ROS1: variants seen among roughly 807,000 people sequenced by gnomAD.
ROS1 encodes ROS proto-oncogene 1, receptor tyrosine kinase.
Under a neutral mutation model 273.5 loss-of-function variants are expected in ROS1, and 263 were observed. That is an observed-to-expected ratio of 0.96 (90% confidence interval 0.87 to 1.06). The LOEUF (loss-of-function observed/expected upper bound fraction) is 1.06, where lower values mean the gene tolerates loss of function less well. Ranked by LOEUF, ROS1 falls within the 50% of genes least tolerant of loss-of-function variation. The probability of loss-of-function intolerance (pLI) is 0.00; values close to 1 mark genes in which losing one functional copy is unlikely to be tolerated. For synonymous variants in ROS1, 1,008 were observed against 954.1 expected, an observed-to-expected ratio of 1.06 and a Z score of -1.04; for missense variants, 2,833 against 2,751.1, an observed-to-expected ratio of 1.03 and a Z score of -0.67.
intron 2 of ROS1, among the ~76,000 whole-genome samples, chr6:117,417,537 T>G (rs1562390383): frequency 6.6e-6 from 1 of 152,164 alleles, no homozygotes; most frequent in Non-Finnish European, 1.5e-5. Flanking sequence ...TATCTAAAAC[T>G]CTGTATGTCT....
chr6:117,292,377 G>A (rs1773902144), intron 43 of ROS1, among the ~76,000 whole-genome samples: 1 of 152,124 alleles, frequency 6.6e-6, no homozygotes, highest in Admixed American at 6.5e-5. Context: ...GCAACCCTCT[G>A]GATTGCTTTA....
chr6:117,416,987 C>T (rs912417182), intron 2 of ROS1, among the ~76,000 whole-genome samples: 4 of 152,112 alleles, frequency 2.6e-5, no homozygotes, highest in African/African-American at 9.7e-5. Flanking sequence ...CCTCTCTCCA[C>T]CCCTTTGGTG....
chr6:117,298,067 C>T (rs1774392552), intron 43 of ROS1, among the ~76,000 whole-genome samples: 1 of 152,050 alleles, frequency 6.6e-6, no homozygotes, highest in Admixed American at 6.5e-5. Flanking sequence ...TATTTTGTAG[C>T]AACATGGATG....
chr6:117,311,268 C>A, intron 39 of ROS1, 151 bp from the exon 40 acceptor site: 6 of 459,074 alleles, frequency 1.3e-5, no homozygotes, highest in South Asian at 8.9e-5. Context: ...TATAAGAATT[C>A]AAACAAAGAG....
rs1554252569 is a variant in ROS1, at chr6:117,398,693, A to AAAAAAAAAAAAAAAAAAAAAAAAC, written c.605-1578_605-1577insGTTTTTTTTTTTTTTTTTTTTTTT. Among the ~76,000 whole-genome samples the AAAAAAAAAAAAAAAAAAAAAAAAC allele has an allele frequency of 3.0e-4, 43 of 141,080 alleles. 1 individual carries two copies. The highest frequency in any genetic ancestry group is 6.1e-4 in the Non-Finnish European group (38 of 62,158). 92.6% of individuals were successfully genotyped at this position (141,080 alleles called of 152,430 possible). On this transcript the variant is annotated intron_variant, in intron 7 of 43. Coordinates refer to ENST00000368507, the MANE Select transcript of ROS1 (RefSeq NM_001378902.1). Reference sequence around the variant, plus strand: ...GACCTTGTCTCAAAAAAAAAAAAAAAAAAACTCGCGGTGACTCATGCTTGT... The same window carrying AAAAAAAAAAAAAAAAAAAAAAAAC: ...GACCTTGTCTCAAAAAAAAAAAAAAAAAAAAAAAAAAAAAAAAAAAAAACAAAACTCGCGGTGACTCATGCTTGT...
chr6:117,396,220 G>A lies in ROS1; in HGVS notation c.851C>T (p.Ala284Val). ...AVNEVGEGPE[A>V]ESSITTSSSA... ...AGATGAAGTGGTAATACTAGATTCT[G>A]CTTCTGGACCCTCACCAACTTCATT... Residue 284 changes from alanine (A) to valine (V), a missense_variant, in exon 9 of 44, where the codon GCA (alanine) becomes GTA (valine). By Grantham distance (64) the Ala-to-Val change is moderately conservative. Coordinates refer to ENST00000368507, the MANE Select transcript of ROS1 (RefSeq NM_001378902.1). The A allele has an allele frequency of 1.2e-6, 2 of 1,613,740 alleles. No homozygotes were observed. The highest frequency in any genetic ancestry group is 1.7e-6 in the Non-Finnish European group (2 of 1,179,734).
intron 43 of ROS1, among the ~76,000 whole-genome samples, chr6:117,292,179 C>T (rs1773887829): frequency 6.6e-6 from 1 of 152,090 alleles, no homozygotes; most frequent in South Asian, 2.1e-4. Context: ...ACCATGTTAG[C>T]CAGGATGGTC....
chr6:117,417,030 A>C, intron 2 of ROS1, among the ~76,000 whole-genome samples: 1 of 149,618 alleles, frequency 6.7e-6, no homozygotes, highest in African/African-American at 2.5e-5. Flanking sequence ...TTCTCCTCTC[A>C]CTCTTCTAGT....
rs887300130 is a variant in ROS1 at position 117,425,911 on chromosome 6, C to T, written c.-255G>A. ...GCTTCCTTTTACTCCCATAAAGTCA[C>T]CCAGTGACTAAAGGTTAGTTCTTAG... On this transcript the variant is annotated 5_prime_UTR_variant, in exon 1 of 44. The change creates a new upstream start codon in the 5' untranslated region. Coordinates refer to ENST00000368507, the MANE Select transcript of ROS1 (RefSeq NM_001378902.1). 10 of 405,828 alleles carry T rather than the reference C, an allele frequency of 2.5e-5. No homozygotes were observed. The highest frequency in any genetic ancestry group is 2.1e-4 in the African/African-American group (10 of 47,768). The allele number at this position is 405,828 out of a possible 1,614,324, so 25.1% of individuals were successfully genotyped here. A position where few individuals can be genotyped will look rare whatever the true frequency, so the allele number is the denominator to read the frequency against.
chr6:117,395,137 T>C (rs771590893), intron 9 of ROS1, among the ~76,000 whole-genome samples: 1 of 152,192 alleles, frequency 6.6e-6, no homozygotes, highest in Non-Finnish European at 1.5e-5. Context: ...TGGTTGTCTC[T>C]GTGTTGTCTT....
At chr6:117,319,588 C>G (rs533346844) in intron 37 of ROS1, among the ~76,000 whole-genome samples, 2 of 152,194 alleles carry the variant, frequency 1.3e-5, no homozygotes, top group East Asian at 3.9e-4. Context: ...AACTCCAGTT[C>G]TCTTATGGCA....
rs1332832623 is a variant in ROS1 at position 117,314,727 on chromosome 6, A to G, written c.6117+2416T>C. Among the ~76,000 whole-genome samples the G allele has an allele frequency of 3.9e-5, 6 of 152,240 alleles. No individual in the cohort carries two copies. The South Asian group carries it at 8.3e-4, about 21-fold the overall frequency. Reference sequence around the variant, plus strand: ...TCTAAACGCTCTGAGTTGATGCATCAGGCATTTACTGTCCAGAGGAGAAAC... The same window carrying G: ...TCTAAACGCTCTGAGTTGATGCATCGGGCATTTACTGTCCAGAGGAGAAAC... On this transcript the variant is annotated intron_variant, in intron 39 of 43. Coordinates refer to ENST00000368507, the MANE Select transcript of ROS1 (RefSeq NM_001378902.1).
At chr6:117,306,030 G>GTTT (rs78945275) in intron 42 of ROS1, among the ~76,000 whole-genome samples, 4,175 of 122,952 alleles carry the variant, frequency 0.034, 116 homozygotes, top group Non-Finnish European at 0.043. Flanking sequence ...TTCTCCTCAA[G>GTTT]TTTTTTTTTT....
chr6:117,363,697 A>C (rs1055901869), intron 21 of ROS1, among the ~76,000 whole-genome samples: 1 of 152,110 alleles, frequency 6.6e-6, no homozygotes, highest in African/African-American at 2.4e-5. Context: ...TCCCAAAGGC[A>C]CCTTCTCTCT....
In ROS1 at chr6:117,362,634, C is replaced by T; in HGVS notation, c.3335G>A (p.Gly1112Asp). The change falls in exon 22 of 44, where the codon GGC becomes GAC. Residue 1112 changes from glycine to aspartate, a missense_variant. By Grantham distance (94) the Gly-to-Asp change is moderately conservative. Transcript: ENST00000368507. The part of the protein sequence containing the change: ...TPSVMSFQLE[G>D]MSPRCFIAFQ... ...GGCAATAAAGCATCTGGGACTCATG[C>T]CTTCAAGTTGAAAAGACATCACTGA... 1.2e-6 allele frequency: 2 copies of T among 1,613,498 alleles called. No homozygotes were observed. Among genetic ancestry groups the T allele is most frequent in the Non-Finnish European group, 1.7e-6 (2 of 1,179,682 alleles).
At chr6:117,367,462 A>C (rs1780363642) in intron 18 of ROS1, among the ~76,000 whole-genome samples, 1 of 152,200 alleles carries the variant, frequency 6.6e-6, no homozygotes, top group South Asian at 2.1e-4. Flanking sequence ...CTGTGTGGGC[A>C]CCCTTCTAGT....
intron 32 of ROS1, among the ~76,000 whole-genome samples, chr6:117,336,269 C>G (rs2128613201): frequency 6.6e-6 from 1 of 152,100 alleles, no homozygotes; most frequent in East Asian, 1.9e-4. Flanking sequence ...AAACCATCAC[C>G]TAGGTATTAA....
At chr6:117,409,147 T>G (rs1272954163) in intron 5 of ROS1, among the ~76,000 whole-genome samples, 1 of 151,802 alleles carries the variant, frequency 6.6e-6, no homozygotes, top group Non-Finnish European at 1.5e-5. Context: ...CACACCAACA[T>G]GGCACATGTA....
rs575586220 is a variant in ROS1 at position 117,411,953 on chromosome 6, G to A, written c.256-2311C>T. Among the ~76,000 whole-genome samples, 4 of 152,312 alleles carry A rather than the reference G, an allele frequency of 2.6e-5. No homozygotes were observed. The South Asian group carries it at 8.3e-4, about 32-fold the overall frequency. On this transcript the variant is annotated intron_variant, in intron 4 of 43. Transcript: ENST00000368507. ...TAAGTCAAAGGCACAGGTATAACTA[G>A]GCAGAGAAGGAGACTTTATTAGGGT...
Sources: allele counts gnomAD v4.1 joint callset (sites outside exome capture counted in the v4.1 genomes callset), GRCh38; gene constraint gnomAD v4.1.1; transcripts MANE v1.5; gene names NCBI Gene and HGNC (gene_info 2026-07-23, HGNC 2026-07-21).